Variants in CHRNA9 observed in about 807,000 individuals in gnomAD.
CHRNA9 encodes the protein neuronal acetylcholine receptor subunit alpha-9.
In CHRNA9, 24 loss-of-function variants were observed where a neutral mutation model predicts 36.8. The observed-to-expected ratio is 0.65, with a 90% CI of 0.47 to 0.92. CHRNA9 has a LOEUF of 0.92. Ranked by LOEUF, CHRNA9 falls within the 40% of genes least tolerant of loss-of-function variation. The pLI is 0.00. For missense variants in CHRNA9, 610 were observed against 601.2 expected, an observed-to-expected ratio of 1.01 and a Z score of -0.15; for synonymous variants, 231 against 231.8, an observed-to-expected ratio of 1.00 and a Z score of 0.03.
chr4:40,336,688 G>A (rs1391771005), intron 2 of CHRNA9, among the ~76,000 whole-genome samples: 1 of 151,988 alleles, frequency 6.6e-6, no homozygotes, highest in Non-Finnish European at 1.5e-5. Flanking sequence ...TACCGTGTTA[G>A]TCAGGATGGT....
At position 40,349,100 on chromosome 4, in the gene CHRNA9, C is replaced by A. The variant is rs749525063; in HGVS notation, c.584C>A (p.Ser195Tyr). 13 of 1,614,020 alleles carry A rather than the reference C, an allele frequency of 8.1e-6. No homozygotes were observed. The South Asian group carries it at 1.4e-4, about 18-fold the overall frequency. Residue 195 changes from serine to tyrosine, a missense_variant, in exon 4 of 5, where the codon TCT (serine) becomes TAT (tyrosine). Coordinates refer to ENST00000310169, the MANE Select transcript of CHRNA9 (RefSeq NM_017581.4). ...IFNALDSGDLSDFIEDVEWEV... is the reference protein window; with the variant it reads ...IFNALDSGDLYDFIEDVEWEV... ...AACGCCTTGGACAGCGGAGATCTCT[C>A]TGACTTCATTGAAGATGTGGAATGG...
At chr4:40,352,211 A>G (rs1252600930) in intron 4 of CHRNA9, among the ~76,000 whole-genome samples, 1 of 152,074 alleles carries the variant, frequency 6.6e-6, no homozygotes, top group Non-Finnish European at 1.5e-5. Context: ...ATTATCAAAT[A>G]TGTTATTATA....
intron 1 of CHRNA9, 87 bp from the exon 2 acceptor site, chr4:40,335,740 C>G: frequency 7.4e-7 from 1 of 1,352,916 alleles, no homozygotes; most frequent in Non-Finnish European, 1.0e-6. Flanking sequence ...TTGGGCCATC[C>G]CCCATTTTAG....
chr4:40,344,185 T>C (rs1360097314), intron 3 of CHRNA9, among the ~76,000 whole-genome samples: 2 of 152,146 alleles, frequency 1.3e-5, no homozygotes, highest in Non-Finnish European at 2.9e-5. Context: ...CTCACATTGG[T>C]TTTAGGATTT....
intron 3 of CHRNA9, among the ~76,000 whole-genome samples, chr4:40,339,265 G>A (rs575498289): frequency 2.0e-4 from 21 of 105,068 alleles, no homozygotes; most frequent in South Asian, 3.5e-4. Flanking sequence ...GGCGACAAGA[G>A]CGAGACTCCA....
chr4:40,336,504 A>C (rs578262068), intron 2 of CHRNA9, among the ~76,000 whole-genome samples: 6 of 151,998 alleles, frequency 3.9e-5, no homozygotes, highest in African/African-American at 1.4e-4. Context: ...TTTGAGACGG[A>C]GTCTTGCTGT....
chr4:40,339,445 G>A (rs1712434426), intron 3 of CHRNA9, among the ~76,000 whole-genome samples: 1 of 151,400 alleles, frequency 6.6e-6, no homozygotes, highest in Non-Finnish European at 1.5e-5. Context: ...CACCTTGGGA[G>A]GCCGAGGGGG....
intron 3 of CHRNA9, among the ~76,000 whole-genome samples, chr4:40,340,539 C>A (rs1308151978): frequency 1.3e-5 from 2 of 152,186 alleles, no homozygotes; most frequent in Non-Finnish European, 2.9e-5. Context: ...GAATCCCTGA[C>A]TCTGTAGAAT....
In CHRNA9 at chr4:40,346,487, C is replaced by T. The variant is rs1300998327; in HGVS notation, c.366-2395C>T. On this transcript the variant is annotated intron_variant, in intron 3 of 4. Transcript: ENST00000310169. ...AATGTCCTAGCCCCAAACAGATTCT[C>T]TCTGATCCCCAGATCTCTCTTGCAC... 5.3e-5 allele frequency among the ~76,000 whole-genome samples: 8 copies of T among 152,226 alleles called. No homozygotes were observed. In the South Asian group the frequency reaches 1.4e-3, roughly 28 times the overall value.
chr4:40,354,931 T>C lies in CHRNA9; in HGVS notation c.*411T>C. The C allele has an allele frequency of 6.2e-6, 1 of 162,424 alleles. No homozygotes were observed. Among genetic ancestry groups the C allele is most frequent in the South Asian group, 1.7e-4 (1 of 5,916 alleles). The allele number at this position is 162,424 out of a possible 1,614,324, so 10.1% of individuals were successfully genotyped here. Reference sequence around the variant, plus strand: ...ATTTGAAAAATGAAATAGTCATATATATATTAGTGTGATTTAAGTCTCAAT... The same window carrying C: ...ATTTGAAAAATGAAATAGTCATATACATATTAGTGTGATTTAAGTCTCAAT... On this transcript the variant is annotated 3_prime_UTR_variant, in exon 5 of 5. Transcript: ENST00000310169.
chr4:40,346,030 A>AAAC (rs145046393), intron 3 of CHRNA9, among the ~76,000 whole-genome samples: 10 of 151,522 alleles, frequency 6.6e-5, no homozygotes, highest in African/African-American at 1.9e-4. Flanking sequence ...CGTCTCAAAC[A>AAAC]AACAACAACA....
At position 40,348,896 on chromosome 4, in the gene CHRNA9, C is replaced by T; in HGVS notation, c.380C>T (p.Ser127Phe). 6.2e-7 allele frequency: 1 copy of T among 1,612,430 alleles called. No individual in the cohort carries two copies. The highest frequency in any genetic ancestry group is 8.5e-7 in the Non-Finnish European group (1 of 1,178,470). The stretch of plus-strand genomic sequence containing the variant: ...CTGACCTTCAGGGCTGATGATGAAT[C>T]TTCAGAGCCTGTGAACACCAATGTG... Reference protein sequence around the residue: ...IVLYNKADDESSEPVNTNVVL... With the variant: ...IVLYNKADDEFSEPVNTNVVL... Residue 127 changes from serine (S) to phenylalanine (F), a missense_variant, in exon 4 of 5, where the codon TCT becomes TTT. By Grantham distance (155) the Ser-to-Phe change is radical. Coordinates refer to ENST00000310169, the MANE Select transcript of CHRNA9 (RefSeq NM_017581.4).
chr4:40,341,001 T>G (rs1360814310), intron 3 of CHRNA9, among the ~76,000 whole-genome samples: 1 of 137,604 alleles, frequency 7.3e-6, no homozygotes, highest in Non-Finnish European at 1.6e-5. Context: ...AAAGAACATT[T>G]CCCTAATAAC....
rs1712890755 is a variant in CHRNA9 at position 40,354,316 on chromosome 4, G to T, written c.1236G>T (p.Gln412His). 1 of 1,614,074 alleles carries T rather than the reference G, an allele frequency of 6.2e-7. No individual in the cohort carries two copies. Among genetic ancestry groups the T allele is most frequent in the Non-Finnish European group, 8.5e-7 (1 of 1,180,034 alleles). Residue 412 changes from glutamine to histidine, a missense_variant, in exon 5 of 5, where the codon CAG (glutamine) becomes CAT (histidine). Coordinates refer to ENST00000310169, the MANE Select transcript of CHRNA9 (RefSeq NM_017581.4). ...NDLGCQGKNPQEAESYCAQYK... is the reference protein window; with the variant it reads ...NDLGCQGKNPHEAESYCAQYK... ...TGGGCTGCCAGGGTAAGAACCCTCAGGAGGCCGAGAGTTACTGTGCACAGT... is the reference window on the plus strand; with the variant it reads ...TGGGCTGCCAGGGTAAGAACCCTCATGAGGCCGAGAGTTACTGTGCACAGT...
intron 3 of CHRNA9, among the ~76,000 whole-genome samples, chr4:40,339,279 C>CAAAAAAA (rs61634062): frequency 1.4e-5 from 1 of 71,156 alleles, no homozygotes. Context: ...GACTCCATCT[C>CAAAAAAA]AAAAAAAAAA....
In CHRNA9 at chr4:40,335,514, C is replaced by T. The variant is rs1477116069; in HGVS notation, c.47C>T (p.Ala16Val). 2 of 1,612,890 alleles carry T rather than the reference C, an allele frequency of 1.2e-6. No homozygotes were observed. Among genetic ancestry groups the T allele is most frequent in the Non-Finnish European group, 1.7e-6 (2 of 1,178,806 alleles). Residue 16 changes from alanine to valine, a missense_variant, in exon 1 of 5, where the codon GCT becomes GTT. Coordinates refer to ENST00000310169, the MANE Select transcript of CHRNA9 (RefSeq NM_017581.4). ...SCISFCWIYF[A>V]ASRLRAAETA... ...ATCTCCTTTTGCTGGATCTACTTTG[C>T]TGCTTCCAGACTGAGAGGTGAGAGG...
At chr4:40,350,030 A>G (rs1333155424) in intron 4 of CHRNA9, 1 of 153,616 alleles carries the variant, frequency 6.5e-6, no homozygotes, top group Non-Finnish European at 1.4e-5. Flanking sequence ...ACCCTGGCAT[A>G]TGGTAAGTAC....
At chr4:40,353,800 T>C (rs1337381946) in intron 4 of CHRNA9, among the ~76,000 whole-genome samples, 179 bp from the exon 5 acceptor site, 1 of 152,188 alleles carries the variant, frequency 6.6e-6, no homozygotes, top group Admixed American at 6.5e-5. Context: ...TCAACCTAGG[T>C]GTATAGAAGG....
intron 3 of CHRNA9, among the ~76,000 whole-genome samples, chr4:40,342,616 C>T (rs762672722): frequency 3.9e-5 from 6 of 152,076 alleles, no homozygotes; most frequent in Non-Finnish European, 7.4e-5. Flanking sequence ...AAGATGAAGA[C>T]TTAGGAGAAG....
Sources: allele counts gnomAD v4.1 joint callset (sites outside exome capture counted in the v4.1 genomes callset), GRCh38; gene constraint gnomAD v4.1.1; transcripts MANE v1.5; gene names NCBI Gene and HGNC (gene_info 2026-07-23, HGNC 2026-07-21).